The following TDP1 variants were observed in gnomAD, a reference collection of about 807,000 sequenced individuals.
TDP1 encodes the protein tyr-DNA phosphodiesterase 1.
A neutral mutation model predicts 81.5 loss-of-function variants in TDP1; 64 were observed. The observed-to-expected ratio is 0.79, with a 90% CI of 0.64 to 0.97. The LOEUF (loss-of-function observed/expected upper bound fraction) is 0.97. Among genes scored for constraint, TDP1 ranks in the 50% least tolerant of loss-of-function variants. TDP1 has a pLI of 0.00. For missense variants in TDP1, 723 were observed against 743.8 expected (o/e 0.97, Z 0.33); for synonymous variants, 256 against 264.3 (o/e 0.97, Z 0.30).
chr14:90,041,567 A>G (rs922680764), intron 16 of TDP1, among the ~76,000 whole-genome samples: 1 of 152,184 alleles, frequency 6.6e-6, no homozygotes, highest in Non-Finnish European at 1.5e-5. Flanking sequence ...GTGACCTACC[A>G]TCTGCCTCTG....
chr14:89,965,737 C>T (rs1431216762), intron 3 of TDP1: 8 of 982,930 alleles, frequency 8.1e-6, no homozygotes, highest in East Asian at 2.3e-4. Flanking sequence ...TCTAAACTGT[C>T]CACATTTATA....
chr14:89,998,654 A>G (rs569587234), intron 14 of TDP1, among the ~76,000 whole-genome samples: 2 of 151,728 alleles, frequency 1.3e-5, no homozygotes, highest in South Asian at 2.1e-4. Context: ...GAAGAAGGTC[A>G]GGGAAGGCCT....
chr14:90,029,198 T>TA (rs1403048528), intron 15 of TDP1, among the ~76,000 whole-genome samples: 1 of 146,868 alleles, frequency 6.8e-6, no homozygotes, highest in Non-Finnish European at 1.5e-5. Context: ...GCCATTATTT[T>TA]TTTTTTTTTT....
chr14:89,963,720 GTC>G (rs765982258), intron 3 of TDP1, 47 bp downstream of exon 3: 35 of 1,604,888 alleles, frequency 2.2e-5, no homozygotes, highest in Non-Finnish European at 2.9e-5. Flanking sequence ...GCCCTTGAGA[GTC>G]TCTCCTCCGT....
intron 2 of TDP1, among the ~76,000 whole-genome samples, chr14:89,961,271 G>C (rs1892293441): frequency 6.6e-6 from 1 of 152,246 alleles, no homozygotes; most frequent in South Asian, 2.1e-4. Flanking sequence ...GGACTGGTCA[G>C]AACCAGTCTG....
intron 6 of TDP1, among the ~76,000 whole-genome samples, chr14:89,973,371 G>A (rs762753139): frequency 2.0e-5 from 3 of 152,130 alleles, no homozygotes; most frequent in Non-Finnish European, 4.4e-5. Context: ...ACCTGTGCTC[G>A]TTTAGGAGAG....
At chr14:90,033,712 AT>A (rs140048133) in intron 16 of TDP1, 2,921 of 172,200 alleles carry the variant, frequency 0.017, 88 homozygotes, top group African/African-American at 0.066. Flanking sequence ...TCAAAAGGTC[AT>A]TAAGTCTAAC....
intron 16 of TDP1, chr14:90,042,753 C>T (rs1393352886): frequency 5.4e-6 from 2 of 373,400 alleles, no homozygotes; most frequent in African/African-American, 2.2e-5. Context: ...ATGGGAAAGA[C>T]CCGCCCCCAT....
chr14:89,979,611 A>C (rs1320732470), intron 7 of TDP1, among the ~76,000 whole-genome samples: 1 of 152,134 alleles, frequency 6.6e-6, no homozygotes, highest in Non-Finnish European at 1.5e-5. Flanking sequence ...GCCTGGCAGC[A>C]AAATGTATTT....
At position 89,963,478 on chromosome 14, in the gene TDP1, G is replaced by T. The variant is rs375647992; in HGVS notation, c.364G>T (p.Gly122Cys). 1 of 1,608,894 alleles carries T rather than the reference G, an allele frequency of 6.2e-7. No homozygotes were observed. Among genetic ancestry groups the T allele is most frequent in the East Asian group, 2.2e-5 (1 of 44,830 alleles). The stretch of plus-strand genomic sequence containing the variant: ...GAAAGACATCTCTGCTCCCAATGAC[G>T]GCACTGCCCAAAGAACTGAAAATCA... Reference protein sequence around the residue: ...KEKDISAPNDGTAQRTENHGA... With the variant: ...KEKDISAPNDCTAQRTENHGA... Residue 122 changes from glycine (G) to cysteine (C), a missense_variant, in exon 3 of 17, where the codon GGC becomes TGC. Coordinates refer to ENST00000335725, the MANE Select transcript of TDP1 (RefSeq NM_018319.4).
At chr14:90,007,418 G>T (rs1188896762) in intron 14 of TDP1, among the ~76,000 whole-genome samples, 1 of 152,028 alleles carries the variant, frequency 6.6e-6, no homozygotes, top group African/African-American at 2.4e-5. Context: ...GTGAAACCCT[G>T]TCTCTACTAA....
At chr14:90,020,509 G>C (rs1434392473) in intron 15 of TDP1, among the ~76,000 whole-genome samples, 52 of 7,670 alleles carry the variant, frequency 6.8e-3, no homozygotes, top group Non-Finnish European at 9.1e-3. Flanking sequence ...CCTCCCTTCC[G>C]TCCCTCCCTC....
intron 6 of TDP1, among the ~76,000 whole-genome samples, chr14:89,974,280 C>A (rs990828794): frequency 3.3e-5 from 5 of 152,190 alleles, no homozygotes; most frequent in African/African-American, 1.2e-4. Context: ...GTTTTTTGTG[C>A]TTAGACTTAC....
intron 6 of TDP1, among the ~76,000 whole-genome samples, chr14:89,971,488 GTCT>G (rs1475740151): frequency 6.6e-6 from 1 of 152,178 alleles, no homozygotes; most frequent in Non-Finnish European, 1.5e-5. Flanking sequence ...TGGGCCTGAA[GTCT>G]TCTTACTAAT....
intron 13 of TDP1, 109 bp downstream of exon 13, chr14:89,992,092 A>G (rs991507604): frequency 1.1e-6 from 1 of 904,092 alleles, no homozygotes; most frequent in Non-Finnish European, 1.8e-6. Flanking sequence ...ATATAGCTAT[A>G]TTCTTTCATC....
At chr14:89,986,585 C>T (rs1462320399) in intron 10 of TDP1, among the ~76,000 whole-genome samples, 3 of 152,340 alleles carry the variant, frequency 2.0e-5, no homozygotes, top group East Asian at 1.9e-4. Flanking sequence ...CACAGTTGCT[C>T]ATGTTGCACC....
chr14:90,012,549 A>C (rs1043245472), intron 14 of TDP1, among the ~76,000 whole-genome samples: 35 of 151,798 alleles, frequency 2.3e-4, no homozygotes, highest in African/African-American at 8.2e-4. Context: ...ATGTAGGTAG[A>C]GTTTCCCAAA....
chr14:90,018,225 A>G (rs915599737), intron 14 of TDP1, among the ~76,000 whole-genome samples: 2 of 152,210 alleles, frequency 1.3e-5, no homozygotes, highest in African/African-American at 4.8e-5. Flanking sequence ...GTCAGGCTCT[A>G]AAGAGTTTTC....
intron 14 of TDP1, among the ~76,000 whole-genome samples, chr14:90,014,502 A>G (rs1596645469): frequency 6.6e-6 from 1 of 152,162 alleles, no homozygotes; most frequent in Admixed American, 6.5e-5. Flanking sequence ...CTTGGTCTCC[A>G]TCTTCTCCAG....
Sources: gnomAD v4.1 joint callset for allele counts (sites outside exome capture counted in the v4.1 genomes callset) on GRCh38, gnomAD v4.1.1 for gene constraint, MANE v1.5 for transcripts, NCBI Gene and HGNC (gene_info 2026-07-23, HGNC 2026-07-21) for gene names.